Variants in NAALADL2 observed in about 807,000 individuals in gnomAD.
The protein encoded by NAALADL2 is inactive N-acetylated-alpha-linked acidic dipeptidase-like protein 2.
NAALADL2 carries 76 observed loss-of-function variants against 87.2 expected under a neutral mutation model. The observed-to-expected ratio is 0.87, with a 90% CI of 0.72 to 1.05. The LOEUF is 1.05. Ranked by LOEUF, NAALADL2 falls within the 50% of genes least tolerant of loss-of-function variation. NAALADL2 has a pLI of 0.00. For synonymous variants in NAALADL2, 354 were observed against 331.0 expected (o/e 1.07, Z -0.75); for missense variants, 1,089 against 945.8 (o/e 1.15, Z -1.99).
intron 2 of NAALADL2, among the ~76,000 whole-genome samples, chr3:175,208,807 A>G (rs4312664): frequency 0.69 from 104,961 of 152,078 alleles, 37,338 homozygotes; most frequent in African/African-American, 0.85. Flanking sequence ...AATATTATTT[A>G]AAGAATAACC....
At chr3:175,095,355 T>A (rs549828870) in intron 1 of NAALADL2, among the ~76,000 whole-genome samples, 4 of 152,182 alleles carry the variant, frequency 2.6e-5, no homozygotes, top group East Asian at 3.9e-4. Context: ...TCTCTCTGAT[T>A]TGATGGGTCG....
intron 3 of NAALADL2, among the ~76,000 whole-genome samples, chr3:175,236,249 C>T (rs1581050309): frequency 6.6e-6 from 1 of 152,102 alleles, no homozygotes; most frequent in African/African-American, 2.4e-5. Flanking sequence ...TGGCCGGGCA[C>T]TGTGGCTCAT....
At chr3:175,394,709 G>A (rs1769536477) in intron 5 of NAALADL2, among the ~76,000 whole-genome samples, 1 of 152,150 alleles carries the variant, frequency 6.6e-6, no homozygotes, top group Non-Finnish European at 1.5e-5. Flanking sequence ...GACCCCAAGT[G>A]GATGCCTGAA....
rs116369042 is a variant in NAALADL2, at chr3:175,638,211, C to T, written c.1896+10825C>T. Among the ~76,000 whole-genome samples the T allele has an allele frequency of 1.2e-3, 183 of 152,142 alleles. 2 individuals carry two copies. The highest frequency in any genetic ancestry group is 1.6e-3 in the Non-Finnish European group (112 of 67,982). On this transcript the variant is annotated intron_variant, in intron 11 of 13. Transcript: ENST00000454872. ...CCTGAATGACAATCAGTTTATATGC[C>T]GTAGAGATATTTATTCGATCCACAT...
At chr3:174,720,829 G>A (rs1029126250) in intron 2 of NAALADL2, among the ~76,000 whole-genome samples, 1 of 152,162 alleles carries the variant, frequency 6.6e-6, no homozygotes, top group African/African-American at 2.4e-5. Flanking sequence ...CCGTTCGAAT[G>A]TAGTATTTGG....
intron 1 of NAALADL2, among the ~76,000 whole-genome samples, chr3:174,884,872 G>C (rs114953198): frequency 0.018 from 2,690 of 152,186 alleles, 75 homozygotes; most frequent in African/African-American, 0.061. Context: ...TTTAGTATAG[G>C]TCTAGAGGTA....
At chr3:174,579,644 A>T (rs1343324919) in intron 2 of NAALADL2, among the ~76,000 whole-genome samples, 1 of 152,036 alleles carries the variant, frequency 6.6e-6, no homozygotes, top group Non-Finnish European at 1.5e-5. Flanking sequence ...TATACACATA[A>T]ATATGTTTGT....
At chr3:175,165,030 G>A (rs1379658701) in intron 2 of NAALADL2, among the ~76,000 whole-genome samples, 1 of 152,156 alleles carries the variant, frequency 6.6e-6, no homozygotes, top group African/African-American at 2.4e-5. Flanking sequence ...GGGCCATGCA[G>A]TCCTGTAGAC....
intron 11 of NAALADL2, among the ~76,000 whole-genome samples, chr3:175,653,869 TG>T (rs1430868093): frequency 1.3e-5 from 2 of 152,192 alleles, no homozygotes; most frequent in Non-Finnish European, 2.9e-5. Context: ...ATGTTGTGTT[TG>T]GGGTCAACAA....
intron 2 of NAALADL2, among the ~76,000 whole-genome samples, chr3:175,218,712 G>C (rs1742904095): frequency 6.6e-6 from 1 of 151,992 alleles, no homozygotes; most frequent in Admixed American, 6.6e-5. Flanking sequence ...CTATATCTGT[G>C]AGACTTATCC....
At chr3:174,517,781 A>G (rs1395547909) in intron 1 of NAALADL2, among the ~76,000 whole-genome samples, 2 of 152,094 alleles carry the variant, frequency 1.3e-5, no homozygotes, top group Non-Finnish European at 2.9e-5. Flanking sequence ...GTCCTTGTAC[A>G]TGTTTCTTTC....
At chr3:175,329,851 C>T (rs4535237) in intron 5 of NAALADL2, among the ~76,000 whole-genome samples, 2 of 152,114 alleles carry the variant, frequency 1.3e-5, no homozygotes, top group East Asian at 3.9e-4. Context: ...TTTCAAAAAT[C>T]TAAATTTTGT....
chr3:174,896,060 T>A (rs957024987), intron 1 of NAALADL2, among the ~76,000 whole-genome samples: 3 of 152,074 alleles, frequency 2.0e-5, no homozygotes, highest in Non-Finnish European at 4.4e-5. Flanking sequence ...ATAAAAGCCA[T>A]ATATGACAGA....
chr3:174,657,043 T>TC (rs1231268713), intron 2 of NAALADL2, among the ~76,000 whole-genome samples: 22 of 138,196 alleles, frequency 1.6e-4, no homozygotes, highest in Non-Finnish European at 2.6e-4. Context: ...TCCTTCTTCT[T>TC]TTTTTTTTTT....
At chr3:175,599,090 T>C (rs895764550) in intron 10 of NAALADL2, among the ~76,000 whole-genome samples, 8 of 152,124 alleles carry the variant, frequency 5.3e-5, no homozygotes, top group African/African-American at 1.4e-4. Context: ...GGCAATAACA[T>C]ATTAGCAAAC....
rs563898844 is a variant in NAALADL2 at position 174,970,720 on chromosome 3, G to A, written c.43+111270G>A. Among the ~76,000 whole-genome samples the A allele has an allele frequency of 2.6e-5, 4 of 152,214 alleles. No homozygotes were observed. In the South Asian group the frequency reaches 8.3e-4, roughly 32 times the overall value. On this transcript the variant is annotated intron_variant, in intron 1 of 13. Transcript: ENST00000454872. ...ATTTTCCGTTGCTAATGGTTCTTCA[G>A]ATTGGTTAATGAGCATACTAGGCTC...
chr3:174,647,401 A>G (rs1223857365), intron 2 of NAALADL2, among the ~76,000 whole-genome samples: 1 of 152,200 alleles, frequency 6.6e-6, no homozygotes, highest in African/African-American at 2.4e-5. Flanking sequence ...TGGGGAGTGA[A>G]GTGGTGAACT....
intron 9 of NAALADL2, among the ~76,000 whole-genome samples, chr3:175,476,579 CA>C (rs966618735): frequency 6.6e-6 from 1 of 152,040 alleles, no homozygotes; most frequent in Non-Finnish European, 1.5e-5. Flanking sequence ...AACAAACAAA[CA>C]AAAAACAGTA....
intron 2 of NAALADL2, among the ~76,000 whole-genome samples, chr3:175,131,753 C>T (rs1430818570): frequency 3.3e-5 from 5 of 150,720 alleles, no homozygotes; most frequent in African/African-American, 7.3e-5. Flanking sequence ...CCGGACAGGG[C>T]GGCTGGCCGG....
Sources: gnomAD v4.1 joint callset for allele counts (sites outside exome capture counted in the v4.1 genomes callset) on GRCh38, gnomAD v4.1.1 for gene constraint, MANE v1.5 for transcripts, NCBI Gene and HGNC (gene_info 2026-07-23, HGNC 2026-07-21) for gene names.